TTC34: variants seen among roughly 807,000 people sequenced by gnomAD.
The protein encoded by TTC34 is tetratricopeptide repeat domain 34.
Under a neutral mutation model 40.7 loss-of-function variants are expected in TTC34, and 44 were observed. The ratio of observed to expected loss-of-function variants is 1.08; its 90% CI spans 0.85 to 1.39. The LOEUF is 1.39. Ranked by LOEUF, TTC34 falls within the 40% of genes most tolerant of loss-of-function variation. The probability of loss-of-function intolerance (pLI) is 0.00; values close to 1 mark genes in which losing one functional copy is unlikely to be tolerated. For synonymous variants in TTC34, 422 were observed against 398.6 expected (o/e 1.06, Z -0.70); for missense variants, 884 against 838.0 (o/e 1.05, Z -0.68).
At chr1:2,787,774 G>T in intron 3 of TTC34, 68 bp from the exon 4 acceptor site, 2 of 1,328,150 alleles carry the variant, frequency 1.5e-6, no homozygotes, top group Non-Finnish European at 1.0e-6. Context: ...AGGTGATTGG[G>T]CAGTGGGGAA....
At chr1:2,768,333 G>A (rs1424980552) in intron 6 of TTC34, among the ~76,000 whole-genome samples, 1 of 152,052 alleles carries the variant, frequency 6.6e-6, no homozygotes, top group African/African-American at 2.4e-5. Context: ...GGTGTTCCGG[G>A]TTATCAGATG....
At position 2,753,336 on chromosome 1, in the gene TTC34, C is replaced by G. The variant is rs1243163544; in HGVS notation, c.2226+30273G>C. ...CGACAGCCTGGAGCATCACCCACAC[C>G]CCCAGACGAGCATCTGACAGCCTAG... On this transcript the variant is annotated intron_variant, in intron 6 of 8. Transcript: ENST00000401095. Among the ~76,000 whole-genome samples the G allele has an allele frequency of 2.5e-5, 3 of 120,314 alleles. 1 individual carries two copies. The highest frequency in any genetic ancestry group is 1.1e-4 in the African/African-American group (3 of 27,264). The allele number at this position is 120,314 out of a possible 152,430, so 78.9% of individuals were successfully genotyped here. A position where few individuals can be genotyped will look rare whatever the true frequency, so the allele number is the denominator to read the frequency against.
chr1:2,751,635 A>G lies in TTC34; in HGVS notation c.2226+31974T>C, dbSNP rs1469527430. On this transcript the variant is annotated intron_variant, in intron 6 of 8. Coordinates refer to ENST00000401095, the Ensembl canonical transcript of TTC34. ...CCAGGCGAGCATCTGACGGCCTGGA[A>G]CAGCACCCACACCCCCAGTTGAGCA... 5.7e-3 allele frequency among the ~76,000 whole-genome samples: 471 copies of G among 83,260 alleles called. 1 individual carries two copies. The highest frequency in any genetic ancestry group is 0.021 in the Middle Eastern group (2 of 94). 54.6% of individuals were successfully genotyped at this position (83,260 alleles called of 152,430 possible).
rs1166638761 is a variant in TTC34 at position 2,751,965 on chromosome 1, C to T, written c.2226+31644G>A. Among the ~76,000 whole-genome samples, 299 of 117,284 alleles carry T rather than the reference C, an allele frequency of 2.5e-3. 59 individuals carry two copies. The highest frequency in any genetic ancestry group is 0.011 in the African/African-American group (285 of 26,008). 76.9% of individuals were successfully genotyped at this position (117,284 alleles called of 152,430 possible). On this transcript the variant is annotated intron_variant, in intron 6 of 8. Transcript: ENST00000401095. ...ACATCGGAGAGTCTGGAGCAGCGCC[C>T]ACACCCCCAGGCGAGCATTTGACAG...
At chr1:2,675,130 A>G (rs1337855144) in intron 6 of TTC34, among the ~76,000 whole-genome samples, 10 of 4,816 alleles carry the variant, frequency 2.1e-3, no homozygotes, top group Non-Finnish European at 3.7e-3. Flanking sequence ...CCCCCAGGTG[A>G]GAATCTGACA....
At position 2,786,030 on chromosome 1, in the gene TTC34, G is replaced by A. The variant is rs140362845; in HGVS notation, c.1855-7C>T. On this transcript the variant is annotated splice_region_variant and splice_polypyrimidine_tract_variant and intron_variant, in intron 4 of 8. Coordinates refer to ENST00000401095, the Ensembl canonical transcript of TTC34. Reference sequence around the variant, plus strand: ...GGACCAGCTTCTTCACCAACTGCAAGGGTGCCACAGTCACTGCCCATGCCC... The same window carrying A: ...GGACCAGCTTCTTCACCAACTGCAAAGGTGCCACAGTCACTGCCCATGCCC... 0.014 allele frequency: 19,905 copies of A among 1,457,586 alleles called. 187 individuals carry two copies. The highest frequency in any genetic ancestry group is 0.021 in the Admixed American group (864 of 40,606). The allele number at this position is 1,457,586 out of a possible 1,614,324, so 90.3% of individuals were successfully genotyped here.
rs1317642862 is a variant in TTC34, at chr1:2,751,437, G to A, written c.2226+32172C>T. The stretch of plus-strand genomic sequence containing the variant: ...GGTGGGCATCTGACAGCCTGGAACA[G>A]AGCCCAGACCCCCAGGTGAGCATCT... On this transcript the variant is annotated intron_variant, in intron 6 of 8. Coordinates refer to ENST00000401095, the Ensembl canonical transcript of TTC34. Among the ~76,000 whole-genome samples the A allele has an allele frequency of 3.0e-3, 272 of 89,624 alleles. 5 individuals are homozygous for A. Among genetic ancestry groups the A allele is most frequent in the East Asian group, 5.6e-3 (13 of 2,312 alleles). The allele number at this position is 89,624 out of a possible 152,430, so 58.8% of individuals were successfully genotyped here. A position where few individuals can be genotyped will look rare whatever the true frequency, so the allele number is the denominator to read the frequency against.
At chr1:2,751,874 G>A (rs1289657529) in intron 6 of TTC34, among the ~76,000 whole-genome samples, 1 of 116,788 alleles carries the variant, frequency 8.6e-6, no homozygotes, top group Non-Finnish European at 1.7e-5. Flanking sequence ...CCGACAGCCT[G>A]GAGCAGCACC....
chr1:2,688,225 G>A (rs1234703483), intron 6 of TTC34, among the ~76,000 whole-genome samples: 12 of 125,468 alleles, frequency 9.6e-5, no homozygotes, highest in East Asian at 4.9e-4. Context: ...GGGAGCATCC[G>A]ACAGCCTGGA....
chr1:2,686,084 C>A (rs1640329403), intron 6 of TTC34, among the ~76,000 whole-genome samples: 1 of 126,610 alleles, frequency 7.9e-6, no homozygotes, highest in Admixed American at 7.9e-5. Context: ...CCCACACCCC[C>A]AGGCGAGCAT....
chr1:2,684,688 CA>C (rs1640240027), intron 6 of TTC34, among the ~76,000 whole-genome samples: 1 of 133,038 alleles, frequency 7.5e-6, no homozygotes, highest in African/African-American at 3.3e-5. Context: ...CCCAGGTGAG[CA>C]TCTGACAGCC....
At chr1:2,750,479 CCACACCCCCA>C (rs1641279874) in intron 6 of TTC34, among the ~76,000 whole-genome samples, 4 of 140,284 alleles carry the variant, frequency 2.9e-5, no homozygotes, top group Non-Finnish European at 4.6e-5. Context: ...GGAACAGCAC[CCACACCCCCA>C]GTTGAGCATT....
At chr1:2,768,177 C>A (rs937755678) in intron 6 of TTC34, among the ~76,000 whole-genome samples, 3 of 151,810 alleles carry the variant, frequency 2.0e-5, no homozygotes, top group African/African-American at 7.3e-5. Context: ...TTCAGGTGAG[C>A]ATCTGACAGC....
At chr1:2,640,056 T>C (rs114421442) in exon 9 of TTC34, 5 of 152,178 alleles carry the variant, frequency 3.3e-5, no homozygotes, top group African/African-American at 1.2e-4. Flanking sequence ...AGGGGGTCTA[T>C]CTGTGGGTTC....
At chr1:2,640,887 T>C in exon 9 of TTC34, 1 of 150,986 alleles carries the variant, frequency 6.6e-6, no homozygotes, top group Non-Finnish European at 1.5e-5. Flanking sequence ...TTGCTGGTGG[T>C]AGAAGGGACT....
intron 6 of TTC34, among the ~76,000 whole-genome samples, chr1:2,752,297 G>A (rs1373191356): frequency 1.1e-5 from 1 of 89,456 alleles, no homozygotes; most frequent in Non-Finnish European, 2.1e-5. Context: ...GCACCCCCAG[G>A]GGAGCATCTG....
chr1:2,801,313 A>G (rs1338193589), intron 1 of TTC34, among the ~76,000 whole-genome samples: 1 of 150,456 alleles, frequency 6.6e-6, no homozygotes, highest in Non-Finnish European at 1.5e-5. Flanking sequence ...GCAGGACCAC[A>G]CCCCTGCCCA....
chr1:2,674,958 T>C (rs1440008855), intron 6 of TTC34, among the ~76,000 whole-genome samples: 4 of 101,954 alleles, frequency 3.9e-5, no homozygotes, highest in South Asian at 3.3e-4. Context: ...GCAGCACCCA[T>C]AGCCCATGGT....
chr1:2,647,985 A>C (rs1389993928), intron 6 of TTC34, among the ~76,000 whole-genome samples: 1 of 148,134 alleles, frequency 6.8e-6, no homozygotes, highest in Non-Finnish European at 1.5e-5. Context: ...CAGATCTAGG[A>C]TCTCCACTTG....
Sources: gnomAD v4.1 joint callset for allele counts (sites outside exome capture counted in the v4.1 genomes callset) on GRCh38, gnomAD v4.1.1 for gene constraint, MANE v1.5 for transcripts, NCBI Gene and HGNC (gene_info 2026-07-23, HGNC 2026-07-21) for gene names.